CSGALNACT1: variants seen among roughly 807,000 people sequenced by gnomAD.
The protein encoded by CSGALNACT1 is chondroitin sulfate N-acetylgalactosaminyltransferase 1.
CSGALNACT1 carries 52 observed loss-of-function variants against 51.0 expected under a neutral mutation model. That is an observed-to-expected ratio of 1.02 (90% CI 0.82 to 1.29). The LOEUF (loss-of-function observed/expected upper bound fraction) is 1.29. Among genes scored for constraint, CSGALNACT1 ranks in the 50% most tolerant of loss-of-function variants. The pLI is 0.00. For missense variants in CSGALNACT1, 935 were observed against 679.2 expected (o/e 1.38, Z -4.19); for synonymous variants, 341 against 254.4 (o/e 1.34, Z -3.24).
intron 1 of CSGALNACT1, among the ~76,000 whole-genome samples, chr8:19,707,760 G>A (rs2062256430): frequency 6.6e-6 from 1 of 152,166 alleles, no homozygotes; most frequent in African/African-American, 2.4e-5. Context: ...CAACATTTTG[G>A]GAGGCTGATG....
chr8:19,752,435 T>C (rs1166308848), intron 1 of CSGALNACT1, among the ~76,000 whole-genome samples: 1 of 152,194 alleles, frequency 6.6e-6, no homozygotes, highest in African/African-American at 2.4e-5. Flanking sequence ...GTACGTATGT[T>C]GACCTATTGA....
intron 3 of CSGALNACT1, among the ~76,000 whole-genome samples, chr8:19,549,130 T>A (rs954241177): frequency 4.6e-5 from 7 of 152,152 alleles, no homozygotes; most frequent in African/African-American, 1.7e-4. Context: ...TATCCTTTTT[T>A]TTTTTAATAG....
At chr8:19,471,596 G>C (rs2068188710) in intron 4 of CSGALNACT1, among the ~76,000 whole-genome samples, 1 of 152,084 alleles carries the variant, frequency 6.6e-6, no homozygotes, top group East Asian at 1.9e-4. Context: ...GACCTGTAGG[G>C]GTTCGACGCC....
intron 5 of CSGALNACT1, among the ~76,000 whole-genome samples, chr8:19,448,296 T>C (rs2062493914): frequency 6.6e-6 from 1 of 152,204 alleles, no homozygotes; most frequent in Non-Finnish European, 1.5e-5. Context: ...TTGGGTGCAA[T>C]TAATTATCCT....
At chr8:19,537,631 G>T (rs971245941) in intron 3 of CSGALNACT1, among the ~76,000 whole-genome samples, 2 of 152,062 alleles carry the variant, frequency 1.3e-5, no homozygotes, top group Non-Finnish European at 2.9e-5. Flanking sequence ...CCCTTTATGC[G>T]AAATAAAGCT....
upstream of CSGALNACT1, among the ~76,000 whole-genome samples, chr8:19,604,618 T>A (rs992149906): frequency 2.0e-5 from 3 of 151,038 alleles, no homozygotes; most frequent in African/African-American, 7.3e-5. Context: ...TGAAATTAAG[T>A]ATGGGGCGGC....
At chr8:19,620,060 C>T (rs1331648540) in intron 1 of CSGALNACT1, among the ~76,000 whole-genome samples, 2 of 152,086 alleles carry the variant, frequency 1.3e-5, no homozygotes, top group African/African-American at 4.8e-5. Flanking sequence ...CACCTGTAAT[C>T]CCAACACTTT....
chr8:19,626,525 G>T (rs532482323), intron 1 of CSGALNACT1, among the ~76,000 whole-genome samples: 24 of 152,124 alleles, frequency 1.6e-4, no homozygotes, highest in African/African-American at 5.8e-4. Flanking sequence ...TGTAACTTAG[G>T]GTTAGGCAAA....
intron 3 of CSGALNACT1, among the ~76,000 whole-genome samples, chr8:19,517,033 G>C (rs1182589714): frequency 6.6e-6 from 1 of 152,196 alleles, no homozygotes; most frequent in Non-Finnish European, 1.5e-5. Context: ...AACCTGATAT[G>C]TGGGTGTAAG....
chr8:19,506,979 A>G (rs1490841764), intron 3 of CSGALNACT1, among the ~76,000 whole-genome samples: 1 of 152,196 alleles, frequency 6.6e-6, no homozygotes, highest in African/African-American at 2.4e-5. Flanking sequence ...GTGAGCCCAC[A>G]TGTGTTCACC....
intron 1 of CSGALNACT1, among the ~76,000 whole-genome samples, chr8:19,730,903 A>G (rs904755562): frequency 6.6e-6 from 1 of 152,204 alleles, no homozygotes; most frequent in African/African-American, 2.4e-5. Context: ...GCTTGGGCAG[A>G]ACAGAATGCG....
At chr8:19,473,929 A>G (rs2068787829) in intron 4 of CSGALNACT1, among the ~76,000 whole-genome samples, 4 of 152,236 alleles carry the variant, frequency 2.6e-5, no homozygotes, top group African/African-American at 7.2e-5. Flanking sequence ...ACCTGTATTC[A>G]TCTATGCCAG....
intron 1 of CSGALNACT1, among the ~76,000 whole-genome samples, chr8:19,704,183 C>T (rs965695363): frequency 1.3e-5 from 2 of 152,178 alleles, no homozygotes. Context: ...TCCATTTCCC[C>T]CAGTCCCTGG....
chr8:19,582,982 TG>T (rs1282503758), intron 3 of CSGALNACT1, among the ~76,000 whole-genome samples: 1 of 152,190 alleles, frequency 6.6e-6, no homozygotes, highest in Non-Finnish European at 1.5e-5. Context: ...GTAAATGGAA[TG>T]GGCTAATAGC....
At chr8:19,638,959 C>A (rs1222944910) in intron 1 of CSGALNACT1, among the ~76,000 whole-genome samples, 1 of 151,990 alleles carries the variant, frequency 6.6e-6, no homozygotes, top group East Asian at 1.9e-4. Flanking sequence ...GCTTTTACTA[C>A]TGTAAATGCC....
At chr8:19,530,885 T>A (rs927565847) in intron 3 of CSGALNACT1, among the ~76,000 whole-genome samples, 2 of 152,192 alleles carry the variant, frequency 1.3e-5, no homozygotes, top group African/African-American at 4.8e-5. Flanking sequence ...AATATTTCCC[T>A]GCAATCTGGA....
In CSGALNACT1 at chr8:19,729,366, G is replaced by C. The variant is rs147040524; in HGVS notation, c.-297+28484C>G. On this transcript the variant is annotated intron_variant, in intron 1 of 1. Transcript: ENST00000517494. ...CATGCAAACTAGCAACCATTCCTAT[G>C]CATGGTTCCTCATTCCTCTAAGGGT... Among the ~76,000 whole-genome samples, 793 of 152,340 alleles carry C rather than the reference G, an allele frequency of 5.2e-3. 5 individuals carry two copies. Among genetic ancestry groups the C allele is most frequent in the African/African-American group, 0.018 (754 of 41,576 alleles).
At chr8:19,663,402 C>A (rs907559166) in intron 1 of CSGALNACT1, among the ~76,000 whole-genome samples, 24 of 152,166 alleles carry the variant, frequency 1.6e-4, no homozygotes, top group Non-Finnish European at 2.5e-4. Flanking sequence ...ACTGAAAAAT[C>A]ACTCACTACA....
chr8:19,470,888 G>A (rs368712760), intron 4 of CSGALNACT1, among the ~76,000 whole-genome samples: 1 of 152,114 alleles, frequency 6.6e-6, no homozygotes, highest in Non-Finnish European at 1.5e-5. Context: ...CTGAGGTCAG[G>A]AGTTCCAGAC....
Sources: allele counts gnomAD v4.1 joint callset (sites outside exome capture counted in the v4.1 genomes callset), GRCh38; gene constraint gnomAD v4.1.1; transcripts MANE v1.5; gene names NCBI Gene and HGNC (gene_info 2026-07-23, HGNC 2026-07-21).